The following DPYD variants were observed in gnomAD, a reference collection of about 807,000 sequenced individuals.
The protein encoded by DPYD is dihydropyrimidine dehydrogenase, also known as dihydropyrimidine dehydrogenase [NADP(+)].
DPYD carries 109 observed loss-of-function variants against 116.2 expected under a neutral mutation model. The ratio of observed to expected loss-of-function variants is 0.94; its 90% CI spans 0.80 to 1.10. DPYD has a LOEUF of 1.10. Ranked by LOEUF, DPYD falls within the 50% of genes least tolerant of loss-of-function variation. The pLI is 0.00. For missense variants in DPYD, 1,302 were observed against 1,254.5 expected (o/e 1.04, Z -0.57); for synonymous variants, 440 against 432.0 (o/e 1.02, Z -0.23).
chr1:97,664,051 C>T (rs1393236252), intron 8 of DPYD, among the ~76,000 whole-genome samples: 1 of 152,114 alleles, frequency 6.6e-6, no homozygotes, highest in African/African-American at 2.4e-5. Context: ...CTGTAAGCCT[C>T]TTGATAACAA....
chr1:97,867,009 CAT>C (rs1420682807), intron 2 of DPYD, among the ~76,000 whole-genome samples: 1 of 151,526 alleles, frequency 6.6e-6, no homozygotes, highest in African/African-American at 2.4e-5. Context: ...CAATGGAAAA[CAT>C]AATCTATTTT....
chr1:97,233,408 T>C (rs1206873663), intron 19 of DPYD, among the ~76,000 whole-genome samples: 1 of 152,032 alleles, frequency 6.6e-6, no homozygotes, highest in Non-Finnish European at 1.5e-5. Flanking sequence ...AGGGTAGAAG[T>C]CCAGGCTTCT....
At chr1:97,512,061 G>A (rs1250041972) in intron 13 of DPYD, among the ~76,000 whole-genome samples, 1 of 151,718 alleles carries the variant, frequency 6.6e-6, no homozygotes, top group African/African-American at 2.4e-5. Context: ...TTAACTGTCT[G>A]TTCATATACT....
At chr1:97,311,609 T>C (rs918985247) in intron 16 of DPYD, among the ~76,000 whole-genome samples, 2 of 151,770 alleles carry the variant, frequency 1.3e-5, no homozygotes, top group African/African-American at 4.8e-5. Context: ...CTTACGTATA[T>C]GTCCTTTTAA....
chr1:97,207,660 C>T (rs1659734508), intron 19 of DPYD, among the ~76,000 whole-genome samples: 1 of 152,110 alleles, frequency 6.6e-6, no homozygotes, highest in Admixed American at 6.6e-5. Context: ...ATACAATGTT[C>T]TAATTTTCAC....
At chr1:97,831,450 G>C (rs1165032147) in intron 2 of DPYD, among the ~76,000 whole-genome samples, 1 of 152,136 alleles carries the variant, frequency 6.6e-6, no homozygotes, top group Non-Finnish European at 1.5e-5. Flanking sequence ...ACATGGATCT[G>C]AGAAAAACTG....
At chr1:97,748,057 T>C (rs376309177) in intron 3 of DPYD, among the ~76,000 whole-genome samples, 1 of 152,072 alleles carries the variant, frequency 6.6e-6, no homozygotes, top group Non-Finnish European at 1.5e-5. Context: ...AGAGTCAATG[T>C]ATAATGTTTT....
chr1:97,578,479 G>A (rs1221180564), intron 10 of DPYD, among the ~76,000 whole-genome samples: 1 of 152,084 alleles, frequency 6.6e-6, no homozygotes, highest in African/African-American at 2.4e-5. Context: ...AAAAAAATCT[G>A]TGGACAAGCA....
chr1:97,496,409 C>A (rs1206690009), intron 13 of DPYD, among the ~76,000 whole-genome samples: 1 of 152,038 alleles, frequency 6.6e-6, no homozygotes, highest in African/African-American at 2.4e-5. Flanking sequence ...ACACTATTAT[C>A]AGATAATCCT....
chr1:97,899,430 C>T (rs756636466), intron 1 of DPYD, among the ~76,000 whole-genome samples: 79 of 151,954 alleles, frequency 5.2e-4, no homozygotes, highest in Middle Eastern at 3.4e-3. Flanking sequence ...TTGACAAATG[C>T]GCCTTTTCCC....
chr1:97,715,799 T>C (rs1200653312), intron 5 of DPYD, among the ~76,000 whole-genome samples: 1 of 152,190 alleles, frequency 6.6e-6, no homozygotes, highest in East Asian at 1.9e-4. Flanking sequence ...AATATTTCTG[T>C]CTCCACTCTT....
At chr1:97,488,234 T>G (rs551477680) in intron 13 of DPYD, among the ~76,000 whole-genome samples, 86 of 152,224 alleles carry the variant, frequency 5.6e-4, no homozygotes, top group African/African-American at 1.9e-3. Context: ...TTAGAAAATT[T>G]TAGAGATAGA....
intron 12 of DPYD, chr1:97,546,474 T>C (rs1650875043): frequency 2.9e-5 from 46 of 1,603,710 alleles, no homozygotes; most frequent in Non-Finnish European, 3.8e-5. Flanking sequence ...GAGACTCTGA[T>C]AGAGAGCAAG....
intron 20 of DPYD, among the ~76,000 whole-genome samples, chr1:97,154,784 C>T (rs532225697): frequency 5.1e-4 from 77 of 151,672 alleles, no homozygotes; most frequent in Non-Finnish European, 8.4e-4. Context: ...AATGACTACA[C>T]GTTGGGTACA....
chr1:97,339,568 A>G (rs532604125), intron 16 of DPYD, among the ~76,000 whole-genome samples: 49 of 152,326 alleles, frequency 3.2e-4, no homozygotes, highest in African/African-American at 1.1e-3. Flanking sequence ...GTTTTCAACA[A>G]TCAAGAATTC....
intron 14 of DPYD, among the ~76,000 whole-genome samples, chr1:97,389,609 T>C (rs11165857): frequency 0.026 from 4,015 of 152,106 alleles, 174 homozygotes; most frequent in African/African-American, 0.092. Flanking sequence ...TGAAAAGCCA[T>C]TCTTTTAGTG....
chr1:97,336,413 T>G (rs1037871186), intron 16 of DPYD, among the ~76,000 whole-genome samples: 1 of 152,160 alleles, frequency 6.6e-6, no homozygotes, highest in African/African-American at 2.4e-5. Context: ...TCTCAATAAG[T>G]GTTTGTAGAA....
At chr1:97,731,781 A>T (rs2101049774) in intron 4 of DPYD, among the ~76,000 whole-genome samples, 1 of 152,130 alleles carries the variant, frequency 6.6e-6, no homozygotes, top group South Asian at 2.1e-4. Context: ...TACCCAAAAT[A>T]GTATCCTATG....
At chr1:97,748,082 A>T (rs1664655828) in intron 3 of DPYD, among the ~76,000 whole-genome samples, 1 of 152,162 alleles carries the variant, frequency 6.6e-6, no homozygotes, top group Non-Finnish European at 1.5e-5. Context: ...TTATTTATGT[A>T]CATTAAACAT....
Sources: allele counts gnomAD v4.1 joint callset (sites outside exome capture counted in the v4.1 genomes callset), GRCh38; gene constraint gnomAD v4.1.1; transcripts MANE v1.5; gene names NCBI Gene and HGNC (gene_info 2026-07-23, HGNC 2026-07-21).